The following PPP2R5E variants were observed in gnomAD, a reference collection of about 807,000 sequenced individuals.
PPP2R5E encodes serine/threonine-protein phosphatase 2A 56 kDa regulatory subunit epsilon isoform.
PPP2R5E carries 4 observed loss-of-function variants against 65.3 expected under a neutral mutation model. The ratio of observed to expected loss-of-function variants is 0.06; its 90% CI spans 0.03 to 0.14. The LOEUF is 0.14. Among genes scored for constraint, PPP2R5E ranks in the 10% least tolerant of loss-of-function variants. The pLI, the probability that PPP2R5E is intolerant of heterozygous loss-of-function variation, is 1.00. For synonymous variants in PPP2R5E, 183 were observed against 187.4 expected (o/e 0.98, Z 0.19); for missense variants, 274 against 556.1 (o/e 0.49, Z 5.10).
chr14:63,391,289 A>T (rs1003566761), intron 10 of PPP2R5E, among the ~76,000 whole-genome samples: 10 of 152,212 alleles, frequency 6.6e-5, no homozygotes, highest in Admixed American at 5.2e-4. Flanking sequence ...TACTTAGTGT[A>T]CTGGGGCAGG....
At chr14:63,467,618 C>G (rs753605780) in intron 2 of PPP2R5E, among the ~76,000 whole-genome samples, 1 of 152,186 alleles carries the variant, frequency 6.6e-6, no homozygotes, top group Non-Finnish European at 1.5e-5. Context: ...CAACTAGGTC[C>G]ACTATCTCAA....
chr14:63,439,072 A>T (rs188087550), intron 3 of PPP2R5E, among the ~76,000 whole-genome samples: 96 of 152,286 alleles, frequency 6.3e-4, no homozygotes, highest in African/African-American at 2.2e-3. Context: ...TCATCTGAAA[A>T]AGACAAAAAA....
At chr14:63,402,358 C>G (rs987643393) in intron 5 of PPP2R5E, among the ~76,000 whole-genome samples, 1 of 152,158 alleles carries the variant, frequency 6.6e-6, no homozygotes, top group African/African-American at 2.4e-5. Flanking sequence ...CATGTGCACA[C>G]GGTAACATAC....
chr14:63,467,222 C>CAAAAAAAAAAAA lies in PPP2R5E; in HGVS notation c.158-13338_158-13337insTTTTTTTTTTTT, dbSNP rs767892639. ...TGGGTGACAGAGCAAGACTCCGTCT[C>CAAAAAAAAAAAA]AAAAAAAACAAACAAACAAACAAAA... is the stretch of plus-strand genomic sequence containing the variant. On this transcript the variant is annotated intron_variant, in intron 2 of 13. Coordinates refer to ENST00000337537, the MANE Select transcript of PPP2R5E (RefSeq NM_006246.5). Among the ~76,000 whole-genome samples the CAAAAAAAAAAAA allele has an allele frequency of 5.3e-4, 61 of 114,342 alleles. 9 individuals carry two copies. The highest frequency in any genetic ancestry group is 1.5e-3 in the African/African-American group (34 of 22,452). 75.0% of individuals were successfully genotyped at this position (114,342 alleles called of 152,430 possible).
intron 2 of PPP2R5E, among the ~76,000 whole-genome samples, chr14:63,474,345 T>G (rs533193700): frequency 6.6e-6 from 1 of 152,226 alleles, no homozygotes; most frequent in East Asian, 1.9e-4. Context: ...TTTGAGCACC[T>G]GGGTGAACAG....
chr14:63,541,350 T>A (rs982762504), intron 1 of PPP2R5E, among the ~76,000 whole-genome samples: 9 of 152,238 alleles, frequency 5.9e-5, no homozygotes, highest in African/African-American at 2.2e-4. Context: ...CAAGTTGAGT[T>A]CCCTTGAGGT....
At chr14:63,472,996 C>T (rs192982002) in intron 2 of PPP2R5E, among the ~76,000 whole-genome samples, 10 of 152,136 alleles carry the variant, frequency 6.6e-5, no homozygotes, top group African/African-American at 1.2e-4. Context: ...AGGGCTTATA[C>T]GAAGTTGATG....
At chr14:63,513,440 C>G (rs1892541676) in intron 2 of PPP2R5E, among the ~76,000 whole-genome samples, 1 of 152,196 alleles carries the variant, frequency 6.6e-6, no homozygotes, top group African/African-American at 2.4e-5. Context: ...ACTAAGTGTG[C>G]TTCTCATGTT....
chr14:63,518,066 GATTTT>G (rs1420774505), intron 2 of PPP2R5E, among the ~76,000 whole-genome samples: 2 of 152,122 alleles, frequency 1.3e-5, no homozygotes, highest in Non-Finnish European at 2.9e-5. Flanking sequence ...CCTACAGATA[GATTTT>G]ATTTTATTAA....
chr14:63,472,156 C>T (rs73274678), intron 2 of PPP2R5E, among the ~76,000 whole-genome samples: 4,448 of 152,158 alleles, frequency 0.029, 193 homozygotes, highest in African/African-American at 0.097. Flanking sequence ...AAAAATTAAT[C>T]GGGCATGGTG....
At chr14:63,466,099 A>G (rs1889778939) in intron 2 of PPP2R5E, among the ~76,000 whole-genome samples, 1 of 152,154 alleles carries the variant, frequency 6.6e-6, no homozygotes, top group Non-Finnish European at 1.5e-5. Flanking sequence ...TTACTTCTAA[A>G]GGGGATAAAA....
chr14:63,537,592 A>T (rs1268327060), intron 2 of PPP2R5E, among the ~76,000 whole-genome samples: 2 of 152,102 alleles, frequency 1.3e-5, no homozygotes, highest in Non-Finnish European at 2.9e-5. Context: ...TCTCTTTTTT[A>T]AAAAAAGTAT....
chr14:63,446,837 A>T (rs963132965), intron 3 of PPP2R5E, among the ~76,000 whole-genome samples: 1 of 151,684 alleles, frequency 6.6e-6, no homozygotes, highest in Non-Finnish European at 1.5e-5. Flanking sequence ...TCAAAAAAAA[A>T]AAAAAAAAAA....
At chr14:63,504,876 T>G (rs1255632) in intron 2 of PPP2R5E, among the ~76,000 whole-genome samples, 2,604 of 152,256 alleles carry the variant, frequency 0.017, 77 homozygotes, top group African/African-American at 0.059. Flanking sequence ...TAATGCAATG[T>G]TTGCTGAATG....
At chr14:63,481,487 C>A (rs1224035596) in intron 2 of PPP2R5E, among the ~76,000 whole-genome samples, 1 of 121,928 alleles carries the variant, frequency 8.2e-6, no homozygotes, top group Non-Finnish European at 1.6e-5. Flanking sequence ...TAGAGCAAGA[C>A]TCCATCTCAA....
At chr14:63,485,892 C>G (rs947837898) in intron 2 of PPP2R5E, among the ~76,000 whole-genome samples, 1 of 145,408 alleles carries the variant, frequency 6.9e-6, no homozygotes, top group African/African-American at 2.6e-5. Context: ...TGCAGTGGTA[C>G]GACCTCAGCT....
chr14:63,421,933 T>C lies in PPP2R5E; in HGVS notation c.456+60A>G, dbSNP rs1887048359. 3 of 1,321,950 alleles carry C rather than the reference T, an allele frequency of 2.3e-6. No individual in the cohort carries two copies. In the African/African-American group the frequency reaches 4.4e-5, roughly 19 times the overall value. The allele number at this position is 1,321,950 out of a possible 1,614,324, so 81.9% of individuals were successfully genotyped here. A position where few individuals can be genotyped will look rare whatever the true frequency, so the allele number is the denominator to read the frequency against. ...AATAAAGCCCTTCAAGGAATTCCCA[T>C]GCTAATCAGCTAATGAGTTAATGGA... On this transcript the variant is annotated intron_variant, in intron 4 of 13. Coordinates refer to ENST00000337537, the MANE Select transcript of PPP2R5E (RefSeq NM_006246.5).
At chr14:63,530,220 T>A (rs1452358970) in intron 2 of PPP2R5E, among the ~76,000 whole-genome samples, 1 of 146,924 alleles carries the variant, frequency 6.8e-6, no homozygotes, top group South Asian at 2.1e-4. Flanking sequence ...GTTAAGAAAT[T>A]TTTCCGTTTT....
At chr14:63,426,890 G>A (rs900200094) in intron 3 of PPP2R5E, among the ~76,000 whole-genome samples, 4 of 152,202 alleles carry the variant, frequency 2.6e-5, no homozygotes, top group South Asian at 2.1e-4. Context: ...GCGGGGAGGC[G>A]TGTCTCTAAA....
Sources: gnomAD v4.1 joint callset for allele counts (sites outside exome capture counted in the v4.1 genomes callset) on GRCh38, gnomAD v4.1.1 for gene constraint, MANE v1.5 for transcripts, NCBI Gene and HGNC (gene_info 2026-07-23, HGNC 2026-07-21) for gene names.